The following FBXO10 variants were observed in gnomAD, a reference collection of about 807,000 sequenced individuals.
FBXO10 encodes the protein F-box protein 10.
FBXO10 carries 39 observed loss-of-function variants against 80.7 expected under a neutral mutation model. The observed-to-expected ratio is 0.48, with a 90% CI of 0.37 to 0.63. The LOEUF (loss-of-function observed/expected upper bound fraction) is 0.63, where lower values mean the gene tolerates loss of function less well. Ranked by LOEUF, FBXO10 falls within the 30% of genes least tolerant of loss-of-function variation. The probability of loss-of-function intolerance (pLI) is 0.00; values close to 1 mark genes in which losing one functional copy is unlikely to be tolerated. For synonymous variants in FBXO10, 449 were observed against 489.6 expected (o/e 0.92, Z 1.09); for missense variants, 1,025 against 1,269.0 (o/e 0.81, Z 2.92).
intron 1 of FBXO10, among the ~76,000 whole-genome samples, chr9:37,569,272 T>C (rs541630208): frequency 1.3e-5 from 2 of 149,394 alleles, no homozygotes; most frequent in African/African-American, 2.5e-5. Flanking sequence ...AAAAAAAAAA[T>C]TATTAGAAAC....
rs950394478 is a variant in FBXO10 at position 37,556,961 on chromosome 9, G to A, written c.-6-15187C>T. 2.0e-5 allele frequency among the ~76,000 whole-genome samples: 3 copies of A among 152,146 alleles called. No homozygotes were observed. The South Asian group carries it at 6.2e-4, about 32-fold the overall frequency. On this transcript the variant is annotated intron_variant, in intron 1 of 10. Transcript: ENST00000432825. ...TTGCATCCTCCACTGGATTGTTTAC[G>A]ATAGGGACTGGGTACTTTTCTCTCT...
chr9:37,548,423 T>C (rs1046981748), intron 1 of FBXO10, among the ~76,000 whole-genome samples: 1 of 152,162 alleles, frequency 6.6e-6, no homozygotes, highest in Non-Finnish European at 1.5e-5. Context: ...CTCCCTGGAT[T>C]GTATGCTTCA....
chr9:37,564,360 G>A (rs562321027), intron 1 of FBXO10, among the ~76,000 whole-genome samples: 8 of 152,206 alleles, frequency 5.3e-5, no homozygotes, highest in African/African-American at 1.9e-4. Flanking sequence ...GTGGGGTCGG[G>A]GCCCCCACAC....
At chr9:37,552,323 C>T (rs955102671) in intron 1 of FBXO10, among the ~76,000 whole-genome samples, 3 of 152,190 alleles carry the variant, frequency 2.0e-5, no homozygotes, top group Non-Finnish European at 4.4e-5. Context: ...CCTCCAGTAC[C>T]AATTTATGTC....
chr9:37,518,085 G>A (rs777572957), intron 9 of FBXO10, 40 bp downstream of exon 9: 20 of 1,569,842 alleles, frequency 1.3e-5, no homozygotes, highest in Non-Finnish European at 1.6e-5. Flanking sequence ...GTTGTGCCCT[G>A]TGTGGGCACC....
chr9:37,556,340 C>T (rs1211688531), intron 1 of FBXO10, among the ~76,000 whole-genome samples: 2 of 151,534 alleles, frequency 1.3e-5, no homozygotes, highest in Non-Finnish European at 2.9e-5. Context: ...TTATAGTTTA[C>T]ACTGTATACT....
At chr9:37,553,362 T>C (rs1822256298) in intron 1 of FBXO10, among the ~76,000 whole-genome samples, 1 of 152,112 alleles carries the variant, frequency 6.6e-6, no homozygotes, top group African/African-American at 2.4e-5. Flanking sequence ...TAAATTGTTA[T>C]GAAGTCATGG....
rs771475795 is a variant in FBXO10 at position 37,541,714 on chromosome 9, G to C, written c.55C>G (p.His19Asp). ...ELWRMILAYL[H>D]LPDLGRCSLV... ...CTGCAGCGGCCCAGGTCGGGAAGGT[G>C]CAAGTAGGCTAAGATCATGCGCCAC... Residue 19 changes from histidine to aspartate, a missense_variant, in exon 2 of 11, where the codon CAC becomes GAC. Around this residue, in one of 3 missense-constraint regions of FBXO10, gnomAD observed 450 missense variants for 499.4 expected, o/e 0.90. Coordinates refer to ENST00000432825, the MANE Select transcript of FBXO10 (RefSeq NM_012166.3). The C allele has an allele frequency of 2.5e-6, 4 of 1,613,612 alleles. No individual in the cohort carries two copies. The highest frequency in any genetic ancestry group is 3.4e-6 in the Non-Finnish European group (4 of 1,179,828).
chr9:37,555,196 G>T (rs1480690155), intron 1 of FBXO10, among the ~76,000 whole-genome samples: 1 of 152,150 alleles, frequency 6.6e-6, no homozygotes, highest in Non-Finnish European at 1.5e-5. Flanking sequence ...GACTATAGGA[G>T]TAAACCACCA....
intron 7 of FBXO10, chr9:37,522,525 A>G: frequency 8.8e-7 from 1 of 1,141,532 alleles, no homozygotes; most frequent in Non-Finnish European, 1.1e-6. Context: ...AGTTAGATGC[A>G]CATGAGCCAG....
At chr9:37,514,398 G>A (rs769368203) in intron 10 of FBXO10, among the ~76,000 whole-genome samples, 2 of 152,128 alleles carry the variant, frequency 1.3e-5, no homozygotes, top group Admixed American at 6.6e-5. Context: ...GGATCCCAGG[G>A]AGTCCACAAT....
At chr9:37,557,210 G>A (rs1319333511) in intron 1 of FBXO10, among the ~76,000 whole-genome samples, 7 of 152,106 alleles carry the variant, frequency 4.6e-5, no homozygotes, top group Admixed American at 1.3e-4. Context: ...CAATTGACCC[G>A]ACCATCATCA....
chr9:37,548,631 C>G (rs1217174008), intron 1 of FBXO10, among the ~76,000 whole-genome samples: 1 of 152,138 alleles, frequency 6.6e-6, no homozygotes, highest in Admixed American at 6.5e-5. Flanking sequence ...CCTCTCTACC[C>G]CAGATACTCT....
intron 2 of FBXO10, 75 bp from the exon 3 acceptor site, chr9:37,538,018 G>A: frequency 2.6e-6 from 3 of 1,155,462 alleles, no homozygotes; most frequent in Non-Finnish European, 3.8e-6. Context: ...CTTTAAGGAG[G>A]GTAGAACATG....
chr9:37,525,059 A>T, intron 6 of FBXO10, 43 bp downstream of exon 6: 1 of 1,528,764 alleles, frequency 6.5e-7, no homozygotes, highest in Non-Finnish European at 8.9e-7. Context: ...ACGCCAGGGG[A>T]CCTTGGCCTG....
Position 37,537,532 on chromosome 9 carries a change from C to G in FBXO10, c.997G>C (p.Ala333Pro), listed in dbSNP as rs778122098. ...ASSSPKPGSK[A>P]GSQEAEVGSD... is the part of the protein sequence containing the mutation. Reference sequence around the variant, plus strand: ...CCCACCTCTGCCTCCTGTGAGCCAGCCTTGGAGCCTGGCTTTGGGGAGCTA... The same window carrying G: ...CCCACCTCTGCCTCCTGTGAGCCAGGCTTGGAGCCTGGCTTTGGGGAGCTA... Residue 333 changes from alanine to proline, a missense_variant, in exon 3 of 11, where the codon GCT becomes CCT. Around this residue, in one of 3 missense-constraint regions of FBXO10, gnomAD observed 450 missense variants for 499.4 expected, o/e 0.90. Transcript: ENST00000432825. 5 of 1,612,986 alleles carry G rather than the reference C, an allele frequency of 3.1e-6. No individual in the cohort carries two copies. The highest frequency in any genetic ancestry group is 1.1e-5 in the South Asian group (1 of 90,832).
chr9:37,538,914 T>C (rs1821849483), intron 2 of FBXO10, among the ~76,000 whole-genome samples: 1 of 152,108 alleles, frequency 6.6e-6, no homozygotes, highest in Non-Finnish European at 1.5e-5. Context: ...CAGAGTGTCC[T>C]CAAGAGTCTG....
rs1821231863 is a variant in FBXO10, at chr9:37,518,157, C to T, written c.2482G>A (p.Gly828Arg). The change falls in exon 9 of 11, where the codon GGG becomes AGG. Residue 828 changes from glycine (G) to arginine (R), a missense_variant. Gly to Arg is a moderately radical substitution (Grantham distance 125). Transcript: ENST00000432825. ...ENDIIGNRGS[G>R]LQLLPRSDTK... ...TCGGACCTGGGCAGCAGCTGCAGCC[C>T]GCTGCCCCGGTTGCCAATGATATCG... 1.9e-6 allele frequency: 3 copies of T among 1,613,940 alleles called. No individual in the cohort carries two copies. Among genetic ancestry groups the T allele is most frequent in the Non-Finnish European group, 2.5e-6 (3 of 1,179,816 alleles).
intron 1 of FBXO10, among the ~76,000 whole-genome samples, chr9:37,550,339 T>C (rs1822167324): frequency 6.6e-6 from 1 of 150,732 alleles, no homozygotes; most frequent in African/African-American, 2.4e-5. Flanking sequence ...CCCGCCACAA[T>C]GCCCAGCTAA....
Sources: gnomAD v4.1 joint callset for allele counts (sites outside exome capture counted in the v4.1 genomes callset) on GRCh38, gnomAD v4.1.1 for gene constraint, gnomAD v4.1.1 regional missense constraint, MANE v1.5 for transcripts, NCBI Gene and HGNC (gene_info 2026-07-23, HGNC 2026-07-21) for gene names.